Variants in PARD3B observed in about 807,000 individuals in gnomAD.
PARD3B encodes the protein par-3 family cell polarity regulator beta, also known as partitioning defective 3 homolog B.
A neutral mutation model predicts 130.2 loss-of-function variants in PARD3B; 103 were observed. That is an observed-to-expected ratio of 0.79 (90% confidence interval 0.67 to 0.93). The LOEUF (loss-of-function observed/expected upper bound fraction) is 0.93, where lower values mean the gene tolerates loss of function less well. PARD3B is among the 40% of genes least tolerant of loss of function. PARD3B has a pLI of 0.00. For missense variants in PARD3B, 1,609 were observed against 1,499.2 expected (o/e 1.07, Z -1.21); for synonymous variants, 583 against 553.2 (o/e 1.05, Z -0.76).
At chr2:205,155,380 A>G (rs1055329315) in intron 10 of PARD3B, among the ~76,000 whole-genome samples, 1 of 152,220 alleles carries the variant, frequency 6.6e-6, no homozygotes, top group Non-Finnish European at 1.5e-5. Context: ...ATACATTGAC[A>G]TAATAAACCA....
At chr2:205,170,403 AC>A (rs1271013767) in intron 11 of PARD3B, among the ~76,000 whole-genome samples, 3 of 152,166 alleles carry the variant, frequency 2.0e-5, no homozygotes, top group Non-Finnish European at 4.4e-5. Flanking sequence ...AAGGCAGGGG[AC>A]ATTAAGCTCT....
chr2:205,282,362 C>A (rs1315002938), intron 16 of PARD3B, among the ~76,000 whole-genome samples: 1 of 151,678 alleles, frequency 6.6e-6, no homozygotes, highest in African/African-American at 2.4e-5. Context: ...CAGAAACTGC[C>A]CTAGCCTTTT....
intron 2 of PARD3B, among the ~76,000 whole-genome samples, chr2:204,732,162 T>C (rs2039538444): frequency 6.6e-6 from 1 of 152,002 alleles, no homozygotes; most frequent in South Asian, 2.1e-4. Context: ...AGCACTATCT[T>C]ATTAGATATA....
chr2:204,814,147 T>G (rs535109765), intron 2 of PARD3B, among the ~76,000 whole-genome samples: 1 of 152,140 alleles, frequency 6.6e-6, no homozygotes, highest in South Asian at 2.1e-4. Flanking sequence ...CTGAGAAATC[T>G]CATGTTTTTA....
intron 2 of PARD3B, among the ~76,000 whole-genome samples, chr2:204,950,336 T>A (rs901319747): frequency 4.6e-5 from 7 of 152,236 alleles, no homozygotes; most frequent in Non-Finnish European, 7.3e-5. Flanking sequence ...TACTTTTCTT[T>A]ATTGTATAGA....
At chr2:204,928,124 G>A (rs6435259) in intron 2 of PARD3B, among the ~76,000 whole-genome samples, 3 of 151,950 alleles carry the variant, frequency 2.0e-5, no homozygotes, top group East Asian at 1.9e-4. Flanking sequence ...GATCTAGGCC[G>A]TGTCCTCTCA....
intron 11 of PARD3B, among the ~76,000 whole-genome samples, chr2:205,161,613 T>C (rs2034510776): frequency 6.6e-6 from 1 of 152,198 alleles, no homozygotes; most frequent in African/African-American, 2.4e-5. Context: ...CAGGATTCTG[T>C]CTTAGGAAAA....
chr2:205,401,235 C>T, intron 19 of PARD3B, 112 bp downstream of exon 19: 1 of 804,302 alleles, frequency 1.2e-6, no homozygotes, highest in Non-Finnish European at 1.9e-6. Context: ...TAGGGGTTGA[C>T]CGATCTGAAA....
chr2:205,344,685 G>A (rs532995854), intron 18 of PARD3B, among the ~76,000 whole-genome samples: 6 of 152,294 alleles, frequency 3.9e-5, no homozygotes, highest in African/African-American at 7.2e-5. Context: ...GGGAGCCACC[G>A]GTTTTATTTC....
chr2:204,782,903 C>T (rs1294974139), intron 2 of PARD3B, among the ~76,000 whole-genome samples: 2 of 151,990 alleles, frequency 1.3e-5, no homozygotes, highest in Non-Finnish European at 2.9e-5. Flanking sequence ...GTTCAAATTT[C>T]TGACAAGAAA....
At chr2:205,416,378 G>A (rs1322915159) in intron 19 of PARD3B, among the ~76,000 whole-genome samples, 1 of 152,120 alleles carries the variant, frequency 6.6e-6, no homozygotes, top group East Asian at 1.9e-4. Context: ...TTAAATGAAT[G>A]ATTACATACT....
At chr2:205,474,029 G>C (rs748520406) in intron 20 of PARD3B, among the ~76,000 whole-genome samples, 21 of 151,752 alleles carry the variant, frequency 1.4e-4, no homozygotes, top group Admixed American at 7.2e-4. Context: ...ACCACAACCC[G>C]GTAATAAGGG....
At chr2:205,492,688 G>A (rs761760132) in intron 20 of PARD3B, among the ~76,000 whole-genome samples, 8 of 151,970 alleles carry the variant, frequency 5.3e-5, no homozygotes, top group African/African-American at 1.4e-4. Context: ...AATGGGAAAC[G>A]GGGAAAATAG....
rs1401040863 is a variant in PARD3B, at chr2:204,546,042, C to T, written c.43C>T (p.Pro15Ser). The T allele has an allele frequency of 2.6e-6, 4 of 1,567,024 alleles. No homozygotes were observed. The highest frequency in any genetic ancestry group is 2.4e-5 in the East Asian group (1 of 41,796). Residue 15 changes from proline (P) to serine (S), a missense_variant, in exon 1 of 23, where the codon CCC (proline) becomes TCC (serine). Coordinates refer to ENST00000406610, the MANE Select transcript of PARD3B (RefSeq NM_001302769.2). Reference sequence around the variant, plus strand: ...CTTCGGCAGGACGGGCATCGTGGTGCCCTGCAAGGAGGGCCAGCTGCGCGT... The same window carrying T: ...CTTCGGCAGGACGGGCATCGTGGTGTCCTGCAAGGAGGGCCAGCTGCGCGT... Reference protein sequence around the residue: ...VCFGRTGIVVPCKEGQLRVGE... With the variant: ...VCFGRTGIVVSCKEGQLRVGE...
chr2:204,942,165 G>A (rs997075070), intron 2 of PARD3B, among the ~76,000 whole-genome samples: 1 of 152,128 alleles, frequency 6.6e-6, no homozygotes, highest in African/African-American at 2.4e-5. Flanking sequence ...GTTCTATGAT[G>A]CTTGTTACAA....
intron 15 of PARD3B, among the ~76,000 whole-genome samples, chr2:205,197,032 G>GTGTGTGTGT (rs1398810056): frequency 2.0e-4 from 11 of 55,240 alleles, no homozygotes; most frequent in South Asian, 5.5e-4. Flanking sequence ...GTGGGGGGGG[G>GTGTGTGTGT]GTGTGTGTGT....
chr2:204,692,124 C>A (rs915301522), intron 2 of PARD3B, among the ~76,000 whole-genome samples: 4 of 152,068 alleles, frequency 2.6e-5, no homozygotes, highest in African/African-American at 9.7e-5. Context: ...TCCACAGTTA[C>A]CTAGAAACCA....
intron 2 of PARD3B, among the ~76,000 whole-genome samples, chr2:204,792,683 A>G (rs2042238883): frequency 6.6e-6 from 1 of 152,094 alleles, no homozygotes; most frequent in African/African-American, 2.4e-5. Flanking sequence ...ATGTACTTCA[A>G]ATATTGTACC....
chr2:205,282,733 C>T (rs973762322), intron 16 of PARD3B, among the ~76,000 whole-genome samples: 4 of 152,074 alleles, frequency 2.6e-5, no homozygotes, highest in African/African-American at 9.7e-5. Context: ...ATTGTCTGGT[C>T]TTCATATTGC....
Sources: gnomAD v4.1 joint callset for allele counts (sites outside exome capture counted in the v4.1 genomes callset) on GRCh38, gnomAD v4.1.1 for gene constraint, MANE v1.5 for transcripts, NCBI Gene and HGNC (gene_info 2026-07-23, HGNC 2026-07-21) for gene names.